ASAP2: variants seen among roughly 807,000 people sequenced by gnomAD.
ASAP2 encodes the protein ArfGAP with SH3 domain, ankyrin repeat and PH domain 2.
A neutral mutation model predicts 131.4 loss-of-function variants in ASAP2; 45 were observed. The ratio of observed to expected loss-of-function variants is 0.34; its 90% CI spans 0.27 to 0.44. The LOEUF (loss-of-function observed/expected upper bound fraction) is 0.44, where lower values mean the gene tolerates loss of function less well. Among genes scored for constraint, ASAP2 ranks in the 20% least tolerant of loss-of-function variants. The probability of loss-of-function intolerance (pLI) is 1.00; values close to 1 mark genes in which losing one functional copy is unlikely to be tolerated. For synonymous variants in ASAP2, 510 were observed against 503.0 expected (o/e 1.01, Z -0.19); for missense variants, 1,011 against 1,297.0 (o/e 0.78, Z 3.39).
chr2:9,348,055 G>T (rs1481842708), intron 11 of ASAP2, among the ~76,000 whole-genome samples: 1 of 152,072 alleles, frequency 6.6e-6, no homozygotes. Flanking sequence ...AGAAAATACT[G>T]GTATTTTGTG....
chr2:9,282,596 G>A (rs191782742), intron 2 of ASAP2, among the ~76,000 whole-genome samples: 1 of 152,336 alleles, frequency 6.6e-6, no homozygotes, highest in South Asian at 2.1e-4. Flanking sequence ...TACAGTCATG[G>A]GCTCTGAAGG....
At chr2:9,262,424 C>G (rs770940974) in intron 1 of ASAP2, among the ~76,000 whole-genome samples, 2 of 152,142 alleles carry the variant, frequency 1.3e-5, no homozygotes, top group Non-Finnish European at 2.9e-5. Flanking sequence ...GACTGTATGG[C>G]AGACACATAA....
chr2:9,314,109 G>A (rs1455428996), intron 3 of ASAP2, among the ~76,000 whole-genome samples: 2 of 152,074 alleles, frequency 1.3e-5, no homozygotes, highest in African/African-American at 4.8e-5. Context: ...TCAGCCTCCC[G>A]AGTAGCTAGG....
chr2:9,338,965 T>A (rs1171533701), intron 9 of ASAP2, among the ~76,000 whole-genome samples: 2 of 152,000 alleles, frequency 1.3e-5, no homozygotes, highest in Admixed American at 6.6e-5. Flanking sequence ...ATTGCTTGAG[T>A]CCAGGAGTTC....
intron 11 of ASAP2, among the ~76,000 whole-genome samples, chr2:9,346,077 A>G (rs1486966428): frequency 3.3e-5 from 5 of 151,986 alleles, no homozygotes; most frequent in Non-Finnish European, 7.4e-5. Context: ...TGGTCATGTG[A>G]TCACCACCGT....
At chr2:9,296,668 A>G (rs571486469) in intron 2 of ASAP2, among the ~76,000 whole-genome samples, 1 of 152,366 alleles carries the variant, frequency 6.6e-6, no homozygotes, top group East Asian at 1.9e-4. Flanking sequence ...GACTATTTCA[A>G]TATAACATGC....
intron 9 of ASAP2, among the ~76,000 whole-genome samples, chr2:9,339,777 A>C (rs1671455677): frequency 6.6e-6 from 1 of 151,890 alleles, no homozygotes; most frequent in African/African-American, 2.4e-5. Flanking sequence ...TGTCATACCC[A>C]GCTCTAGGCT....
In ASAP2 at chr2:9,268,358, C is replaced by T. The variant is rs1296992034; in HGVS notation, c.127-10959C>T. Among the ~76,000 whole-genome samples, 3 of 152,016 alleles carry T rather than the reference C, an allele frequency of 2.0e-5. No individual in the cohort carries two copies. The highest frequency in any genetic ancestry group is 4.4e-5 in the Non-Finnish European group (3 of 68,014). On this transcript the variant is annotated intron_variant, in intron 1 of 27. Transcript: ENST00000281419. The surrounding 1 kb of genome is among the most constrained non-coding windows in gnomAD (Gnocchi z 4.1). ...TAATTTTAATTTTTTAAGATAATAC[C>T]AAAACACGCCCTTCTCATCTGTCCT...
rs541086489 is a variant in ASAP2 at position 9,401,345 on chromosome 2, C to A, written c.2895C>A (p.Phe965Leu). Residue 965 changes from phenylalanine (F) to leucine (L), a missense_variant, in exon 27 of 28, where the codon TTC becomes TTA. Phe to Leu is a conservative substitution (Grantham distance 22). Transcript: ENST00000281419. ...CTGACAACCCCGATGAGCTCACCTT[C>A]TCCGAGGGGGATGTGATCATCGTGG... ...CVADNPDELT[F>L]SEGDVIIVDG... is the part of the protein sequence containing the mutation. 1 of 1,613,604 alleles carries A rather than the reference C, an allele frequency of 6.2e-7. No individual in the cohort carries two copies. Among genetic ancestry groups the A allele is most frequent in the East Asian group, 2.2e-5 (1 of 44,860 alleles).
chr2:9,336,060 T>C (rs1263611174), intron 9 of ASAP2: 1 of 152,248 alleles, frequency 6.6e-6, no homozygotes, highest in Non-Finnish European at 1.5e-5. Context: ...TAGTTCAGTA[T>C]TTTAATAAAT....
At chr2:9,350,737 T>C in intron 11 of ASAP2, 71 bp from the exon 12 acceptor site, 2 of 1,342,594 alleles carry the variant, frequency 1.5e-6, no homozygotes, top group Non-Finnish European at 2.1e-6. Context: ...CTCGTGAGGA[T>C]TGATACTGTA....
At chr2:9,303,834 G>A (rs1263553031) in intron 3 of ASAP2, among the ~76,000 whole-genome samples, 4 of 152,184 alleles carry the variant, frequency 2.6e-5, no homozygotes, top group African/African-American at 9.7e-5. Flanking sequence ...GCTGTGATAC[G>A]GTAACCCCCA....
chr2:9,339,662 C>T (rs10200984), intron 9 of ASAP2, among the ~76,000 whole-genome samples: 3,125 of 152,214 alleles, frequency 0.021, 109 homozygotes, highest in African/African-American at 0.071. Flanking sequence ...CTGCTGCTGT[C>T]GTTGTGTGTG....
chr2:9,392,183 G>GGTTGAAAGTCTTC lies in ASAP2; in HGVS notation c.2518+997_2518+998insTTCGTTGAAAGTC, dbSNP rs544428417. ...CATGTTTTCTTTAATATCAACATGT[G>GGTTGAAAGTCTTC]GTTGAAAGTCCTGAAAACCTTGGGT... On this transcript the variant is annotated intron_variant, in intron 23 of 27. Coordinates refer to ENST00000281419, the MANE Select transcript of ASAP2 (RefSeq NM_003887.3). The surrounding 1 kb of genome is among the most constrained non-coding windows in gnomAD (Gnocchi z 4.0). Among the ~76,000 whole-genome samples, 218 of 152,338 alleles carry GGTTGAAAGTCTTC rather than the reference G, an allele frequency of 1.4e-3. No individual in the cohort carries two copies. The highest frequency in any genetic ancestry group is 5.0e-3 in the African/African-American group (209 of 41,576).
At position 9,281,313 on chromosome 2, in the gene ASAP2, T is replaced by G. The variant is rs1291183559; in HGVS notation, c.199+1924T>G. 6.6e-6 allele frequency among the ~76,000 whole-genome samples: 1 copy of G among 152,228 alleles called. No homozygotes were observed. The highest frequency in any genetic ancestry group is 1.5e-5 in the Non-Finnish European group (1 of 68,034). ...ATGCAAACACTGGCTGTGTAGCTGC[T>G]GCTCGTCTGGAGGAGAGACTTGTGT... On this transcript the variant is annotated intron_variant, in intron 2 of 27. Coordinates refer to ENST00000281419, the MANE Select transcript of ASAP2 (RefSeq NM_003887.3). This position sits in a 1 kb window ranked among gnomAD's most constrained non-coding sequence, Gnocchi z 4.0.
At chr2:9,312,163 T>C (rs2148464849) in intron 3 of ASAP2, among the ~76,000 whole-genome samples, 1 of 152,340 alleles carries the variant, frequency 6.6e-6, no homozygotes, top group Admixed American at 6.5e-5. Flanking sequence ...AGGACCCTCA[T>C]GTTCTTTTAC....
At chr2:9,297,859 G>A (rs577516536) in intron 3 of ASAP2, among the ~76,000 whole-genome samples, 1 of 152,286 alleles carries the variant, frequency 6.6e-6, no homozygotes, top group South Asian at 2.1e-4. Context: ...TCAAAGCACA[G>A]AAATTACCAT....
chr2:9,262,984 A>G (rs963876908), intron 1 of ASAP2, among the ~76,000 whole-genome samples: 1 of 152,232 alleles, frequency 6.6e-6, no homozygotes, highest in African/African-American at 2.4e-5. Flanking sequence ...AGCCTGGCTT[A>G]GGATTCCATT....
At chr2:9,301,957 GGGACTACAGGTGCCCACCGCCAT>G in intron 3 of ASAP2, among the ~76,000 whole-genome samples, 1 of 151,008 alleles carries the variant, frequency 6.6e-6, no homozygotes, top group Middle Eastern at 3.4e-3. Flanking sequence ...ACATGTAGCT[GGGACTACAGGTGCCCACCGCCAT>G]GCCCGGCTAG....
Sources: gnomAD v4.1 joint callset for allele counts (sites outside exome capture counted in the v4.1 genomes callset) on GRCh38, gnomAD v4.1.1 for gene constraint, Gnocchi (gnomAD v3.1) non-coding constraint, MANE v1.5 for transcripts, NCBI Gene and HGNC (gene_info 2026-07-23, HGNC 2026-07-21) for gene names.